Variants in SMG7 observed in about 807,000 individuals in gnomAD.
The protein encoded by SMG7 is SMG7 nonsense mediated mRNA decay factor, also known as nonsense-mediated mRNA decay factor SMG7.
SMG7 carries 34 observed loss-of-function variants against 148.2 expected under a neutral mutation model. That is an observed-to-expected ratio of 0.23 (90% confidence interval 0.17 to 0.31). The LOEUF (loss-of-function observed/expected upper bound fraction) is 0.31, where lower values mean the gene tolerates loss of function less well. SMG7 is among the 10% of genes least tolerant of loss of function. The pLI is 1.00. For missense variants in SMG7, 1,114 were observed against 1,408.4 expected (o/e 0.79, Z 3.35); for synonymous variants, 492 against 515.1 (o/e 0.96, Z 0.61).
intron 1 of SMG7, among the ~76,000 whole-genome samples, chr1:183,485,495 T>C (rs1325636625): frequency 6.6e-6 from 1 of 152,174 alleles, no homozygotes; most frequent in Non-Finnish European, 1.5e-5. Context: ...CTAGTTGACC[T>C]GCTATTCCTC....
At chr1:183,480,372 C>G (rs1054254624) in intron 1 of SMG7, among the ~76,000 whole-genome samples, 9 of 152,104 alleles carry the variant, frequency 5.9e-5, no homozygotes, top group Non-Finnish European at 1.0e-4. Flanking sequence ...TAGTTACCAT[C>G]TACTTTTCCT....
intron 1 of SMG7, among the ~76,000 whole-genome samples, chr1:183,489,265 C>G (rs1557957498): frequency 6.6e-6 from 1 of 152,116 alleles, no homozygotes; most frequent in Admixed American, 6.6e-5. Flanking sequence ...AAGCTAGCTG[C>G]TCTGCCCAGG....
At chr1:183,522,062 AAGG>A (rs1397639882) in intron 4 of SMG7, among the ~76,000 whole-genome samples, 1 of 152,162 alleles carries the variant, frequency 6.6e-6, no homozygotes. Flanking sequence ...AATCAGAGTA[AAGG>A]AGGAGTCAAA....
intron 8 of SMG7, among the ~76,000 whole-genome samples, chr1:183,530,930 T>C (rs1164928199): frequency 6.6e-6 from 1 of 152,110 alleles, no homozygotes; most frequent in Non-Finnish European, 1.5e-5. Flanking sequence ...CCTAGTAAGT[T>C]TTGCATTTGG....
chr1:183,489,696 A>G (rs1656443825), intron 1 of SMG7, among the ~76,000 whole-genome samples: 1 of 152,194 alleles, frequency 6.6e-6, no homozygotes, highest in African/African-American at 2.4e-5. Flanking sequence ...GGAAGTATGA[A>G]TTAAAGAAGT....
At chr1:183,521,251 A>G (rs745583155) in intron 4 of SMG7, among the ~76,000 whole-genome samples, 88 of 152,074 alleles carry the variant, frequency 5.8e-4, no homozygotes, top group Non-Finnish European at 8.5e-4. Flanking sequence ...GGTGCGCACC[A>G]TCACATCCAG....
intron 1 of SMG7, among the ~76,000 whole-genome samples, chr1:183,509,980 AC>A (rs1463586272): frequency 6.6e-6 from 1 of 152,130 alleles, no homozygotes; most frequent in Non-Finnish European, 1.5e-5. Flanking sequence ...ACTATTATAT[AC>A]CCCATATAAT....
rs79240797 is a variant in SMG7 at position 183,533,146 on chromosome 1, G to A, written c.844-18G>A. On this transcript the variant is annotated intron_variant, in intron 8 of 22. Transcript: ENST00000688051. The stretch of plus-strand genomic sequence containing the variant: ...CTGTTCTTGATAATATATGCAGTAC[G>A]TCTGTCTTCTTTTACAGAGGCTGCT... 679 of 1,610,092 alleles carry A rather than the reference G, an allele frequency of 4.2e-4. 3 individuals carry two copies. The African/African-American group carries it at 7.9e-3, about 19-fold the overall frequency.
chr1:183,528,134 A>T (rs1666214071), intron 6 of SMG7, 107 bp downstream of exon 6: 7 of 684,418 alleles, frequency 1.0e-5, no homozygotes, highest in Non-Finnish European at 1.4e-5. Flanking sequence ...GCAATAAATG[A>T]GTTTTGTTAT....
intron 19 of SMG7, 133 bp downstream of exon 19, chr1:183,549,421 C>T (rs1420768997): frequency 4.4e-6 from 3 of 689,632 alleles, no homozygotes; most frequent in Non-Finnish European, 7.4e-6. Context: ...TTGATTTTAT[C>T]CCCCTTGTCT....
chr1:183,537,097 G>A, intron 10 of SMG7, 48 bp from the exon 11 acceptor site: 2 of 1,346,572 alleles, frequency 1.5e-6, no homozygotes, highest in South Asian at 1.2e-5. Context: ...TAGTGTTCTG[G>A]TTTCTCTTAC....
At chr1:183,510,178 A>G (rs773708586) in intron 1 of SMG7, among the ~76,000 whole-genome samples, 1 of 152,174 alleles carries the variant, frequency 6.6e-6, no homozygotes, top group Non-Finnish European at 1.5e-5. Flanking sequence ...TATCCTTTGT[A>G]ACTTCGCAAC....
intron 3 of SMG7, 30 bp from the exon 4 acceptor site, chr1:183,517,658 A>G (rs767673644): frequency 5.6e-6 from 9 of 1,612,954 alleles, no homozygotes; most frequent in African/African-American, 1.3e-5. Flanking sequence ...AGTCACTGCT[A>G]TACCAAATAG....
chr1:183,516,546 A>C (rs1326627924), intron 3 of SMG7, among the ~76,000 whole-genome samples: 1 of 152,216 alleles, frequency 6.6e-6, no homozygotes, highest in African/African-American at 2.4e-5. Context: ...AGATAACCAG[A>C]TTCCCAAGTG....
intron 13 of SMG7, among the ~76,000 whole-genome samples, 194 bp from the exon 14 acceptor site, chr1:183,541,882 C>T (rs911143200): frequency 2.6e-5 from 4 of 152,094 alleles, no homozygotes; most frequent in Non-Finnish European, 4.4e-5. Flanking sequence ...TAGGTTGTGA[C>T]GATGTTAAGT....
intron 8 of SMG7, 129 bp downstream of exon 8, chr1:183,529,662 A>G: frequency 4.3e-6 from 3 of 696,832 alleles, no homozygotes; most frequent in South Asian, 4.1e-5. Context: ...TATTCGAAGT[A>G]TGTGAAATCT....
At chr1:183,540,387 T>C (rs1344996956) in intron 12 of SMG7, among the ~76,000 whole-genome samples, 1 of 152,036 alleles carries the variant, frequency 6.6e-6, no homozygotes, top group Non-Finnish European at 1.5e-5. Flanking sequence ...CCTCAGCATC[T>C]AGCCTTCTGC....
Position 183,553,049 on chromosome 1 carries a change from GT to G in SMG7, c.*1119del. 2 of 1,536,224 alleles carry G rather than the reference GT, an allele frequency of 1.3e-6. No individual in the cohort carries two copies. Among genetic ancestry groups the G allele is most frequent in the Non-Finnish European group, 8.7e-7 (1 of 1,146,934 alleles). The stretch of plus-strand genomic sequence containing the variant: ...AGAGGAAGGAAGCAGCAGTATCTGC[GT>G]AGCCCACAGAGGGCCCAGGCCCCTG... On this transcript the variant is annotated 3_prime_UTR_variant, in exon 23 of 23. Transcript: ENST00000688051.
In SMG7 at chr1:183,545,100, C is replaced by G. The variant is rs1313170953; in HGVS notation, c.2158C>G (p.Gln720Glu). 1 of 1,613,968 alleles carries G rather than the reference C, an allele frequency of 6.2e-7. No individual in the cohort carries two copies. The highest frequency in any genetic ancestry group is 8.5e-7 in the Non-Finnish European group (1 of 1,179,998). The change falls in exon 16 of 23, where the codon CAG (glutamine) becomes GAG (glutamate). Residue 720 changes from glutamine to glutamate, a missense_variant. Gln to Glu is a conservative substitution (Grantham distance 29). Around this residue, in one of 4 missense-constraint regions of SMG7, gnomAD observed 788 missense variants for 894.5 expected, o/e 0.88. Transcript: ENST00000688051. ...AGKQSHIPYS[Q>E]QRPSGPGPMN... Reference sequence around the variant, plus strand: ...GAAACAGTCCCACATTCCTTACAGCCAGCAACGGCCCTCTGGACCAGGGCC... The same window carrying G: ...GAAACAGTCCCACATTCCTTACAGCGAGCAACGGCCCTCTGGACCAGGGCC...
Sources: gnomAD v4.1 joint callset for allele counts (sites outside exome capture counted in the v4.1 genomes callset) on GRCh38, gnomAD v4.1.1 for gene constraint, gnomAD v4.1.1 regional missense constraint, MANE v1.5 for transcripts, NCBI Gene and HGNC (gene_info 2026-07-23, HGNC 2026-07-21) for gene names.